MACROD1: variants seen among roughly 807,000 people sequenced by gnomAD.
MACROD1 encodes the protein mono-ADP ribosylhydrolase 1.
Under a neutral mutation model 41.4 loss-of-function variants are expected in MACROD1, and 31 were observed. The observed-to-expected ratio is 0.75, with a 90% CI of 0.56 to 1.01. The LOEUF (loss-of-function observed/expected upper bound fraction) is 1.01. MACROD1 is among the 50% of genes least tolerant of loss of function. The pLI, the probability that MACROD1 is intolerant of heterozygous loss-of-function variation, is 0.00. For missense variants in MACROD1, 473 were observed against 460.0 expected (o/e 1.03, Z -0.26); for synonymous variants, 252 against 203.4 (o/e 1.24, Z -2.03).
intron 3 of MACROD1, among the ~76,000 whole-genome samples, chr11:64,131,345 CTTTT>C (rs1314331226): frequency 6.7e-6 from 1 of 148,796 alleles, no homozygotes; most frequent in Non-Finnish European, 1.5e-5. Flanking sequence ...GGGACGTTTT[CTTTT>C]TTTTGATGGA....
chr11:64,106,783 T>C (rs1944769775), intron 3 of MACROD1, among the ~76,000 whole-genome samples: 1 of 152,238 alleles, frequency 6.6e-6, no homozygotes, highest in Admixed American at 6.5e-5. Context: ...TCCCCAGCCC[T>C]GCTGGTGCTG....
At chr11:64,024,854 C>T (rs374562191) in intron 3 of MACROD1, among the ~76,000 whole-genome samples, 37 of 152,248 alleles carry the variant, frequency 2.4e-4, no homozygotes, top group African/African-American at 8.7e-4. Flanking sequence ...CCGACTGCCC[C>T]GTAGGAAAAG....
At chr11:64,107,673 G>A (rs1228263003) in intron 3 of MACROD1, among the ~76,000 whole-genome samples, 1 of 152,248 alleles carries the variant, frequency 6.6e-6, no homozygotes, top group Admixed American at 6.5e-5. Flanking sequence ...AATGATACCA[G>A]TGGATGGGAT....
At chr11:64,095,172 G>A (rs1944555412) in intron 3 of MACROD1, among the ~76,000 whole-genome samples, 1 of 152,244 alleles carries the variant, frequency 6.6e-6, no homozygotes. Context: ...CGTGTGAGGT[G>A]TGGGCTGGCT....
intron 3 of MACROD1, among the ~76,000 whole-genome samples, chr11:64,140,554 C>T (rs1416139968): frequency 6.6e-6 from 1 of 152,196 alleles, no homozygotes; most frequent in African/African-American, 2.4e-5. Context: ...ATGGGATGCC[C>T]GGTTCAGCGG....
chr11:64,017,401 G>A (rs1005018979), intron 3 of MACROD1, among the ~76,000 whole-genome samples: 2 of 152,158 alleles, frequency 1.3e-5, no homozygotes, highest in African/African-American at 2.4e-5. Flanking sequence ...CAGAGAAGGA[G>A]ACTGAGGCTT....
At chr11:64,108,477 G>A (rs1375326672) in intron 3 of MACROD1, among the ~76,000 whole-genome samples, 2 of 152,184 alleles carry the variant, frequency 1.3e-5, no homozygotes, top group Non-Finnish European at 2.9e-5. Context: ...AGGAAGCAGC[G>A]GCCTGCCCTG....
chr11:64,084,474 C>A (rs987408968), intron 3 of MACROD1, among the ~76,000 whole-genome samples: 9 of 152,188 alleles, frequency 5.9e-5, no homozygotes, highest in African/African-American at 2.2e-4. Flanking sequence ...AAAGAGGCAG[C>A]GAGGGTGGGA....
At chr11:64,074,519 C>T (rs964918951) in intron 3 of MACROD1, among the ~76,000 whole-genome samples, 1 of 152,222 alleles carries the variant, frequency 6.6e-6, no homozygotes, top group Admixed American at 6.5e-5. Context: ...CAGTTTCTGG[C>T]CTAAGGTCAC....
intron 1 of MACROD1, among the ~76,000 whole-genome samples, chr11:64,165,077 G>C (rs1945817260): frequency 6.6e-6 from 1 of 152,242 alleles, no homozygotes; most frequent in Non-Finnish European, 1.5e-5. Context: ...CCAGAGGCCA[G>C]CGAGAAGGGG....
chr11:64,115,584 T>C (rs1187834574), intron 3 of MACROD1, among the ~76,000 whole-genome samples: 2 of 152,226 alleles, frequency 1.3e-5, no homozygotes, highest in Non-Finnish European at 2.9e-5. Flanking sequence ...CATGTTGTTT[T>C]AACACCAGAC....
chr11:64,013,377 G>T (rs1319629552), intron 4 of MACROD1, among the ~76,000 whole-genome samples: 1 of 152,218 alleles, frequency 6.6e-6, no homozygotes, highest in Non-Finnish European at 1.5e-5. Flanking sequence ...GCCTGTCGGA[G>T]TGAACGGAGC....
chr11:64,030,892 A>T (rs575383932), intron 3 of MACROD1, among the ~76,000 whole-genome samples: 22 of 151,884 alleles, frequency 1.4e-4, no homozygotes, highest in African/African-American at 5.1e-4. Context: ...TCTTAAAAAA[A>T]AAAAAGGAAG....
intron 3 of MACROD1, among the ~76,000 whole-genome samples, chr11:64,043,678 A>G (rs922134400): frequency 6.6e-6 from 1 of 152,204 alleles, no homozygotes; most frequent in African/African-American, 2.4e-5. Flanking sequence ...TGCATATTTC[A>G]TAGAGCACCA....
In MACROD1 at chr11:64,131,507, A is replaced by G. The variant is rs573033662; in HGVS notation, c.517+19732T>C. ...ACGCCCAGCTAATTTTTGTATTTTTACTAGAGATGGGGTTTCTCCATGTTG... is the reference window on the plus strand; with the variant it reads ...ACGCCCAGCTAATTTTTGTATTTTTGCTAGAGATGGGGTTTCTCCATGTTG... On this transcript the variant is annotated intron_variant, in intron 3 of 10. Transcript: ENST00000255681. Among the ~76,000 whole-genome samples, 3 of 152,094 alleles carry G rather than the reference A, an allele frequency of 2.0e-5. No individual in the cohort carries two copies. The South Asian group carries it at 6.2e-4, about 32-fold the overall frequency.
At chr11:64,009,398 G>C (rs1021905475) in intron 4 of MACROD1, among the ~76,000 whole-genome samples, 10 of 151,474 alleles carry the variant, frequency 6.6e-5, no homozygotes, top group Non-Finnish European at 1.2e-4. Flanking sequence ...CTTCCCCCTG[G>C]GGGGCCCGTC....
At chr11:64,129,468 G>A (rs917284171) in intron 3 of MACROD1, among the ~76,000 whole-genome samples, 1 of 152,192 alleles carries the variant, frequency 6.6e-6, no homozygotes, top group South Asian at 2.1e-4. Context: ...GTGGGAGGCC[G>A]GGTTGCCTAC....
rs1013973541 is a variant in MACROD1, at chr11:64,065,662, C to T, written c.518-50381G>A. On this transcript the variant is annotated intron_variant, in intron 3 of 10. Coordinates refer to ENST00000255681, the MANE Select transcript of MACROD1 (RefSeq NM_014067.4). ...AAAATTAGCCAGGCATGGTGGCGGCCGCCTGTAGTCCCAGCTACTTGGGAG... is the reference window on the plus strand; with the variant it reads ...AAAATTAGCCAGGCATGGTGGCGGCTGCCTGTAGTCCCAGCTACTTGGGAG... 7.2e-5 allele frequency among the ~76,000 whole-genome samples: 11 copies of T among 152,084 alleles called. No individual in the cohort carries two copies. In the East Asian group the frequency reaches 9.7e-4, roughly 13 times the overall value.
chr11:64,113,755 C>T lies in MACROD1; in HGVS notation c.517+37484G>A, dbSNP rs376918299. ...CATGGATGATGGATGGATGGATGGACGGACAGGTAAATGCATGATGGATGG... is the reference window on the plus strand; with the variant it reads ...CATGGATGATGGATGGATGGATGGATGGACAGGTAAATGCATGATGGATGG... On this transcript the variant is annotated intron_variant, in intron 3 of 10. Coordinates refer to ENST00000255681, the MANE Select transcript of MACROD1 (RefSeq NM_014067.4). Among the ~76,000 whole-genome samples, 122 of 127,874 alleles carry T rather than the reference C, an allele frequency of 9.5e-4. 1 individual carries two copies. The highest frequency in any genetic ancestry group is 3.5e-3 in the African/African-American group (115 of 32,962). 83.9% of individuals were successfully genotyped at this position (127,874 alleles called of 152,430 possible).
Sources: gnomAD v4.1 joint callset for allele counts (sites outside exome capture counted in the v4.1 genomes callset) on GRCh38, gnomAD v4.1.1 for gene constraint, MANE v1.5 for transcripts, NCBI Gene and HGNC (gene_info 2026-07-23, HGNC 2026-07-21) for gene names.